Variants in SEPTIN14 observed in about 807,000 individuals in gnomAD.
SEPTIN14 encodes septin 14, also known as septin-14.
SEPTIN14 carries 40 observed loss-of-function variants against 53.6 expected under a neutral mutation model. The observed-to-expected ratio is 0.75, with a 90% CI of 0.58 to 0.97. The LOEUF (loss-of-function observed/expected upper bound fraction) is 0.97. SEPTIN14 is among the 50% of genes least tolerant of loss of function. SEPTIN14 has a pLI of 0.00. For synonymous variants in SEPTIN14, 138 were observed against 166.8 expected, an observed-to-expected ratio of 0.83 and a Z score of 1.33; for missense variants, 471 against 508.2, an observed-to-expected ratio of 0.93 and a Z score of 0.70.
chr7:55,860,842 GC>G (rs1789731451), intron 2 of SEPTIN14, among the ~76,000 whole-genome samples: 2 of 152,210 alleles, frequency 1.3e-5, no homozygotes, highest in East Asian at 3.9e-4. Context: ...CAGAGAGTAA[GC>G]CCCCACCTGA....
At chr7:55,834,384 T>C in intron 6 of SEPTIN14, 41 bp downstream of exon 6, 1 of 1,489,286 alleles carries the variant, frequency 6.7e-7, no homozygotes, top group Non-Finnish European at 9.1e-7. Context: ...GGATAAACAC[T>C]CATTTCTAGC....
At position 55,820,506 on chromosome 7, in the gene SEPTIN14, GA is replaced by G. The variant is rs1366666866; in HGVS notation, c.721-1284del. On this transcript the variant is annotated intron_variant, in intron 6 of 9. Transcript: ENST00000388975. ...CAAAGATTTTGGCACTTACACCTCA[GA>G]AAAAAAGCCTTAATAGAAGTGTCAT... 2.6e-5 allele frequency among the ~76,000 whole-genome samples: 4 copies of G among 152,234 alleles called. No individual in the cohort carries two copies. In the East Asian group the frequency reaches 7.7e-4, roughly 29 times the overall value.
At chr7:55,806,173 G>A (rs776190784) in intron 8 of SEPTIN14, among the ~76,000 whole-genome samples, 6 of 151,662 alleles carry the variant, frequency 4.0e-5, no homozygotes, top group Non-Finnish European at 7.4e-5. Context: ...AATTTTTTTT[G>A]TATTTTTAGT....
intron 9 of SEPTIN14, among the ~76,000 whole-genome samples, chr7:55,801,700 A>G (rs1788524270): frequency 1.3e-5 from 2 of 152,180 alleles, no homozygotes; most frequent in South Asian, 4.1e-4. Context: ...TGGGCAGATC[A>G]CTTGAACTCA....
intron 5 of SEPTIN14, among the ~76,000 whole-genome samples, chr7:55,836,090 CGT>C (rs1789200551): frequency 6.6e-6 from 1 of 151,920 alleles, no homozygotes; most frequent in South Asian, 2.1e-4. Flanking sequence ...TGTGTGTGCG[CGT>C]GTGTGTGTAT....
At chr7:55,848,373 G>T (rs1789453542) in intron 2 of SEPTIN14, among the ~76,000 whole-genome samples, 1 of 152,054 alleles carries the variant, frequency 6.6e-6, no homozygotes, top group Admixed American at 6.6e-5. Flanking sequence ...TGTTGGCCAG[G>T]CTGGTCTCGA....
intron 5 of SEPTIN14, among the ~76,000 whole-genome samples, chr7:55,836,462 G>A (rs1008183440): frequency 2.0e-5 from 3 of 152,140 alleles, no homozygotes; most frequent in Admixed American, 1.3e-4. Context: ...GGACAGACCG[G>A]GCGCAGTGGC....
intron 6 of SEPTIN14, among the ~76,000 whole-genome samples, chr7:55,821,955 A>T (rs1788902851): frequency 6.6e-6 from 1 of 152,180 alleles, no homozygotes; most frequent in African/African-American, 2.4e-5. Flanking sequence ...GGGAAGTGAA[A>T]GGCACTTCCT....
At chr7:55,847,270 T>G (rs1789431281) in intron 2 of SEPTIN14, among the ~76,000 whole-genome samples, 1 of 152,070 alleles carries the variant, frequency 6.6e-6, no homozygotes, top group Non-Finnish European at 1.5e-5. Context: ...TCTAATGTAT[T>G]ACTGTAACAT....
At chr7:55,826,731 A>AATT (rs1788994081) in intron 6 of SEPTIN14, among the ~76,000 whole-genome samples, 1 of 150,796 alleles carries the variant, frequency 6.6e-6, no homozygotes, top group African/African-American at 2.4e-5. Flanking sequence ...CAGGAGGTAG[A>AATT]GGTTGCAGTG....
chr7:55,834,362 A>C (rs1789165309), intron 6 of SEPTIN14, 63 bp downstream of exon 6: 2 of 1,272,310 alleles, frequency 1.6e-6, no homozygotes, highest in South Asian at 3.3e-5. Flanking sequence ...AAAAATTCTC[A>C]CACTGGATTC....
chr7:55,815,997 T>C (rs1788784050), intron 7 of SEPTIN14, among the ~76,000 whole-genome samples: 1 of 152,190 alleles, frequency 6.6e-6, no homozygotes, highest in South Asian at 2.1e-4. Flanking sequence ...TACATATACA[T>C]GATGGAGTAC....
intron 2 of SEPTIN14, among the ~76,000 whole-genome samples, chr7:55,851,407 T>C (rs1300989727): frequency 6.8e-6 from 1 of 146,122 alleles, no homozygotes; most frequent in Non-Finnish European, 1.5e-5. Context: ...GAAATCATAC[T>C]GCATGGAGTT....
intron 5 of SEPTIN14, among the ~76,000 whole-genome samples, chr7:55,841,847 C>T (rs1789317658): frequency 1.5e-5 from 2 of 137,136 alleles, no homozygotes. Flanking sequence ...AAGAATGAAA[C>T]TCCGCCAAAA....
chr7:55,795,711 A>G lies in SEPTIN14; in HGVS notation c.*202T>C, dbSNP rs1584246728. 1 of 549,878 alleles carries G rather than the reference A, an allele frequency of 1.8e-6. No individual in the cohort carries two copies. Among genetic ancestry groups the G allele is most frequent in the Admixed American group, 3.2e-5 (1 of 31,002 alleles). 34.1% of individuals were successfully genotyped at this position (549,878 alleles called of 1,614,324 possible). On this transcript the variant is annotated 3_prime_UTR_variant, in exon 10 of 10. Transcript: ENST00000388975. ...TTGAACTCCTGACCTCAGGTGGTCC[A>G]CCCGCCTCAGCCTCCCAAAGTGCTG...
chr7:55,829,684 T>C (rs894940788), intron 6 of SEPTIN14, among the ~76,000 whole-genome samples: 15 of 151,304 alleles, frequency 9.9e-5, no homozygotes, highest in African/African-American at 3.4e-4. Context: ...TTGGAGGCAG[T>C]GAATAACAGC....
At chr7:55,854,499 G>C (rs901709421) in intron 2 of SEPTIN14, among the ~76,000 whole-genome samples, 2 of 151,694 alleles carry the variant, frequency 1.3e-5, no homozygotes, top group African/African-American at 2.4e-5. Flanking sequence ...GTGCGATCTC[G>C]GCTCACTGCA....
intron 2 of SEPTIN14, among the ~76,000 whole-genome samples, chr7:55,852,075 G>A (rs1235053213): frequency 6.6e-6 from 1 of 151,020 alleles, no homozygotes; most frequent in Non-Finnish European, 1.5e-5. Flanking sequence ...CTGAGAGGCA[G>A]AGGTTGCAGT....
chr7:55,805,950 A>G (rs1788603553), intron 8 of SEPTIN14, among the ~76,000 whole-genome samples: 1 of 152,218 alleles, frequency 6.6e-6, no homozygotes, highest in Admixed American at 6.5e-5. Context: ...TGAATGATAT[A>G]ACTAGATTAT....
Sources: gnomAD v4.1 joint callset for allele counts (sites outside exome capture counted in the v4.1 genomes callset) on GRCh38, gnomAD v4.1.1 for gene constraint, MANE v1.5 for transcripts, NCBI Gene and HGNC (gene_info 2026-07-23, HGNC 2026-07-21) for gene names.